SPOCK3: variants seen among roughly 807,000 people sequenced by gnomAD.
SPOCK3 encodes testican-3.
Under a neutral mutation model 56.6 loss-of-function variants are expected in SPOCK3, and 30 were observed. The ratio of observed to expected loss-of-function variants is 0.53; its 90% CI spans 0.40 to 0.72. The LOEUF (loss-of-function observed/expected upper bound fraction) is 0.72. Among genes scored for constraint, SPOCK3 ranks in the 30% least tolerant of loss-of-function variants. The pLI is 0.00. For synonymous variants in SPOCK3, 196 were observed against 183.3 expected, an observed-to-expected ratio of 1.07 and a Z score of -0.56; for missense variants, 527 against 530.0, an observed-to-expected ratio of 0.99 and a Z score of 0.06.
At chr4:166,790,079 T>C (rs774618280) in intron 7 of SPOCK3, among the ~76,000 whole-genome samples, 8 of 152,158 alleles carry the variant, frequency 5.3e-5, no homozygotes, top group Non-Finnish European at 1.0e-4. Context: ...TGTAGTATAT[T>C]GATTGCTTCT....
intron 2 of SPOCK3, among the ~76,000 whole-genome samples, chr4:167,065,272 A>G (rs529955755): frequency 6.6e-6 from 1 of 151,752 alleles, no homozygotes; most frequent in African/African-American, 2.4e-5. Context: ...TGTAGAACTG[A>G]CATTGTTAGC....
chr4:167,064,205 A>G (rs1755882372), intron 2 of SPOCK3, among the ~76,000 whole-genome samples: 1 of 151,844 alleles, frequency 6.6e-6, no homozygotes. Flanking sequence ...CCAATTTCAA[A>G]TTTTTTAAAA....
At chr4:167,111,229 A>T (rs1760875243) in intron 2 of SPOCK3, among the ~76,000 whole-genome samples, 1 of 152,092 alleles carries the variant, frequency 6.6e-6, no homozygotes, top group Admixed American at 6.6e-5. Flanking sequence ...TTCTTAACTG[A>T]AGCAAATACC....
intron 2 of SPOCK3, among the ~76,000 whole-genome samples, chr4:167,083,938 C>G (rs956235783): frequency 3.3e-5 from 5 of 151,998 alleles, no homozygotes; most frequent in African/African-American, 4.8e-5. Context: ...TAACTGAAAA[C>G]TTTTTATTGA....
At chr4:167,112,542 T>C (rs973106025) in intron 2 of SPOCK3, among the ~76,000 whole-genome samples, 1 of 151,988 alleles carries the variant, frequency 6.6e-6, no homozygotes, top group South Asian at 2.1e-4. Flanking sequence ...GGCTGTCATG[T>C]CTCCAAAAGA....
chr4:167,170,754 G>A lies in SPOCK3; in HGVS notation c.189+63231C>T, dbSNP rs1456820391. Among the ~76,000 whole-genome samples the A allele has an allele frequency of 2.6e-5, 4 of 152,228 alleles. No homozygotes were observed. The South Asian group carries it at 6.2e-4, about 24-fold the overall frequency. ...TTGATAAAGAAAATAAACAATTGTT[G>A]AAAACCTGAAAACACTTCAGAAAGA... On this transcript the variant is annotated intron_variant, in intron 2 of 10. Coordinates refer to ENST00000357545, the MANE Select transcript of SPOCK3 (RefSeq NM_001040159.2).
chr4:167,035,398 T>C (rs964937920), intron 3 of SPOCK3, among the ~76,000 whole-genome samples: 1 of 151,800 alleles, frequency 6.6e-6, no homozygotes, highest in African/African-American at 2.4e-5. Context: ...GCAGATAATG[T>C]AATGTAAGAT....
chr4:166,776,341 A>C (rs541153389), intron 7 of SPOCK3, among the ~76,000 whole-genome samples: 1 of 152,270 alleles, frequency 6.6e-6, no homozygotes, highest in East Asian at 1.9e-4. Context: ...TCAACCCGGG[A>C]AGTGGATGTT....
intron 2 of SPOCK3, chr4:167,119,920 G>C: frequency 7.6e-7 from 1 of 1,307,760 alleles, no homozygotes; most frequent in Admixed American, 2.6e-5. Context: ...AGGAAAGAAA[G>C]AAAGAAAAGA....
At chr4:166,799,919 C>T (rs981116733) in intron 6 of SPOCK3, among the ~76,000 whole-genome samples, 5 of 151,998 alleles carry the variant, frequency 3.3e-5, no homozygotes, top group Admixed American at 1.3e-4. Flanking sequence ...CGGTGGCTCA[C>T]GCCTGTAATC....
At chr4:166,991,567 A>C (rs1234009363) in intron 4 of SPOCK3, among the ~76,000 whole-genome samples, 1 of 151,842 alleles carries the variant, frequency 6.6e-6, no homozygotes, top group Non-Finnish European at 1.5e-5. Context: ...ACAGGGTTTC[A>C]CCATATTGGC....
chr4:166,983,155 G>A (rs1746778133), intron 4 of SPOCK3, among the ~76,000 whole-genome samples: 1 of 152,118 alleles, frequency 6.6e-6, no homozygotes, highest in African/African-American at 2.4e-5. Flanking sequence ...CTAGACTATG[G>A]TGTAGTTGAA....
At chr4:166,751,715 C>T (rs1034107368) in intron 8 of SPOCK3, among the ~76,000 whole-genome samples, 6 of 152,000 alleles carry the variant, frequency 3.9e-5, no homozygotes, top group African/African-American at 7.2e-5. Context: ...TACACAACAG[C>T]GTTTTCAATA....
chr4:167,100,405 G>GTC (rs374831916), intron 2 of SPOCK3, among the ~76,000 whole-genome samples: 12 of 148,512 alleles, frequency 8.1e-5, no homozygotes, highest in East Asian at 2.0e-4. Flanking sequence ...GTCTGTCTCT[G>GTC]TCTCTCTCTC....
rs373060370 is a variant in SPOCK3 at position 167,144,462 on chromosome 4, G to T, written c.190-81925C>A. Reference sequence around the variant, plus strand: ...CTGTTTACATTTCATACATTTATTTGCTCAGTTTGCAAGTTTTTAATAAGC... The same window carrying T: ...CTGTTTACATTTCATACATTTATTTTCTCAGTTTGCAAGTTTTTAATAAGC... On this transcript the variant is annotated intron_variant, in intron 2 of 10. Transcript: ENST00000357545. Among the ~76,000 whole-genome samples the T allele has an allele frequency of 2.2e-4, 33 of 150,866 alleles. No individual in the cohort carries two copies. The East Asian group carries it at 3.0e-3, about 14-fold the overall frequency.
chr4:167,007,274 C>G (rs953728071), intron 3 of SPOCK3, among the ~76,000 whole-genome samples: 1 of 152,068 alleles, frequency 6.6e-6, no homozygotes, highest in African/African-American at 2.4e-5. Flanking sequence ...CGCAGATACT[C>G]AAGACCCTTA....
At chr4:167,090,936 T>C (rs1758650187) in intron 2 of SPOCK3, among the ~76,000 whole-genome samples, 1 of 152,066 alleles carries the variant, frequency 6.6e-6, no homozygotes, top group Admixed American at 6.6e-5. Flanking sequence ...ATCTAAGAAA[T>C]TGAGAGAGCT....
intron 2 of SPOCK3, among the ~76,000 whole-genome samples, chr4:167,085,587 G>A (rs1028371970): frequency 6.6e-6 from 1 of 152,088 alleles, no homozygotes; most frequent in Non-Finnish European, 1.5e-5. Context: ...TTGAAAAGAG[G>A]AATCTAGCGT....
chr4:167,078,455 G>A (rs1757409761), intron 2 of SPOCK3, among the ~76,000 whole-genome samples: 1 of 150,304 alleles, frequency 6.7e-6, no homozygotes, highest in African/African-American at 2.4e-5. Flanking sequence ...AAATAGATAG[G>A]CAAACTCATA....
Sources: gnomAD v4.1 joint callset for allele counts (sites outside exome capture counted in the v4.1 genomes callset) on GRCh38, gnomAD v4.1.1 for gene constraint, MANE v1.5 for transcripts, NCBI Gene and HGNC (gene_info 2026-07-23, HGNC 2026-07-21) for gene names.